The following FHIT variants were observed in gnomAD, a reference collection of about 807,000 sequenced individuals.
The protein encoded by FHIT is bis(5'-adenosyl)-triphosphatase.
FHIT carries 19 observed loss-of-function variants against 17.9 expected under a neutral mutation model. That is an observed-to-expected ratio of 1.06 (90% CI 0.74 to 1.56). FHIT has a LOEUF of 1.56. Among genes scored for constraint, FHIT ranks in the 40% most tolerant of loss-of-function variants. FHIT has a pLI of 0.00. For synonymous variants in FHIT, 81 were observed against 69.7 expected (o/e 1.16, Z -0.81); for missense variants, 248 against 189.2 (o/e 1.31, Z -1.82).
chr3:60,457,342 A>G (rs983154294), intron 5 of FHIT, among the ~76,000 whole-genome samples: 6 of 152,214 alleles, frequency 3.9e-5, no homozygotes, highest in Non-Finnish European at 8.8e-5. Flanking sequence ...AGGATTCCCT[A>G]TTTAATAAAT....
intron 3 of FHIT, among the ~76,000 whole-genome samples, chr3:61,037,270 G>A (rs2033303038): frequency 6.6e-6 from 1 of 152,112 alleles, no homozygotes; most frequent in Non-Finnish European, 1.5e-5. Context: ...GACTGGAGTG[G>A]TTATGCTTGG....
chr3:60,149,954 G>A (rs1271471893), intron 5 of FHIT, among the ~76,000 whole-genome samples: 1 of 148,470 alleles, frequency 6.7e-6, no homozygotes, highest in Non-Finnish European at 1.5e-5. Context: ...TGCCACCACT[G>A]GTTAGGCTGG....
intron 4 of FHIT, among the ~76,000 whole-genome samples, chr3:60,696,316 A>C (rs555614217): frequency 1.3e-5 from 2 of 152,320 alleles, no homozygotes; most frequent in East Asian, 3.9e-4. Flanking sequence ...ATTTCAGTAC[A>C]TTCAAATTTT....
At chr3:60,335,446 G>A (rs1710188716) in intron 5 of FHIT, among the ~76,000 whole-genome samples, 1 of 152,120 alleles carries the variant, frequency 6.6e-6, no homozygotes, top group Admixed American at 6.5e-5. Flanking sequence ...TCTCTGCTTG[G>A]CATTTGATAG....
At chr3:60,482,471 AAC>A (rs2033653841) in intron 5 of FHIT, among the ~76,000 whole-genome samples, 2 of 152,292 alleles carry the variant, frequency 1.3e-5, no homozygotes, top group East Asian at 3.9e-4. Context: ...CTGAAATCAT[AAC>A]AGTCTCTAGG....
At chr3:60,845,020 A>G (rs1426548237) in intron 3 of FHIT, among the ~76,000 whole-genome samples, 3 of 152,034 alleles carry the variant, frequency 2.0e-5, no homozygotes, top group Non-Finnish European at 2.9e-5. Flanking sequence ...TTTGGCTTCT[A>G]CTACTTCTAT....
intron 3 of FHIT, among the ~76,000 whole-genome samples, chr3:60,993,932 G>A (rs2030462845): frequency 6.6e-6 from 1 of 152,126 alleles, no homozygotes; most frequent in African/African-American, 2.4e-5. Flanking sequence ...TGAGCCACGT[G>A]CCTATTGAGC....
rs1296594830 is a variant in FHIT at position 60,821,935 on chromosome 3, A to G, written c.-34T>C. The G allele has an allele frequency of 1.3e-5, 2 of 152,168 alleles. No individual in the cohort carries two copies. Among genetic ancestry groups the G allele is most frequent in the African/African-American group, 4.8e-5 (2 of 41,440 alleles). 9.4% of individuals were successfully genotyped at this position (152,168 alleles called of 1,614,324 possible). A position where few individuals can be genotyped will look rare whatever the true frequency, so the allele number is the denominator to read the frequency against. Reference sequence around the variant, plus strand: ...TAAACCTACCTTTCAGAAGACTGCTACCTCTTCGGAGTCCTCAGTGGCAGG... The same window carrying G: ...TAAACCTACCTTTCAGAAGACTGCTGCCTCTTCGGAGTCCTCAGTGGCAGG... On this transcript the variant is annotated 5_prime_UTR_variant, in exon 4 of 10. Transcript: ENST00000492590.
At chr3:60,941,548 T>C (rs1006505202) in intron 3 of FHIT, among the ~76,000 whole-genome samples, 6 of 152,236 alleles carry the variant, frequency 3.9e-5, no homozygotes, top group Admixed American at 1.3e-4. Context: ...TTCTGAATGA[T>C]ATTGGTTTCT....
At chr3:60,161,168 T>C (rs1213248774) in intron 5 of FHIT, among the ~76,000 whole-genome samples, 1 of 152,228 alleles carries the variant, frequency 6.6e-6, no homozygotes, top group African/African-American at 2.4e-5. Flanking sequence ...TATTTTTATC[T>C]GCCCATCATG....
intron 5 of FHIT, among the ~76,000 whole-genome samples, chr3:60,040,724 G>C (rs1263531070): frequency 6.6e-6 from 1 of 152,124 alleles, no homozygotes; most frequent in East Asian, 1.9e-4. Flanking sequence ...GTTGGACCAT[G>C]TAAGAACTAG....
chr3:59,775,797 C>T (rs1702279990), intron 8 of FHIT, among the ~76,000 whole-genome samples: 1 of 152,124 alleles, frequency 6.6e-6, no homozygotes, highest in Non-Finnish European at 1.5e-5. Flanking sequence ...AAGGTCTGAA[C>T]TCTACACTCA....
intron 4 of FHIT, among the ~76,000 whole-genome samples, chr3:60,724,288 C>T (rs925779893): frequency 6.6e-6 from 1 of 152,224 alleles, no homozygotes; most frequent in Non-Finnish European, 1.5e-5. Context: ...AAGGTTCCTC[C>T]ATGATGTAAC....
intron 3 of FHIT, among the ~76,000 whole-genome samples, chr3:60,974,640 C>CA (rs1367862533): frequency 1.3e-5 from 2 of 152,056 alleles, no homozygotes; most frequent in Non-Finnish European, 2.9e-5. Context: ...ATAGCTATAC[C>CA]AAAAAAGTGT....
intron 3 of FHIT, among the ~76,000 whole-genome samples, chr3:60,909,703 A>G (rs1477137396): frequency 6.6e-6 from 1 of 152,242 alleles, no homozygotes; most frequent in East Asian, 1.9e-4. Context: ...TATGACAAAA[A>G]GCTGTACTGA....
chr3:60,945,516 C>T (rs1708599224), intron 3 of FHIT, among the ~76,000 whole-genome samples: 1 of 152,172 alleles, frequency 6.6e-6, no homozygotes, highest in African/African-American at 2.4e-5. Flanking sequence ...CCTCAGCCAC[C>T]TGAGTAGCTG....
At chr3:61,021,338 G>A (rs368983925) in intron 3 of FHIT, among the ~76,000 whole-genome samples, 15 of 151,952 alleles carry the variant, frequency 9.9e-5, no homozygotes, top group Non-Finnish European at 4.4e-5. Context: ...GGTGGCTCAC[G>A]CCTGTAATCC....
At chr3:60,470,058 T>TTCTCTCTCTCTCTCTC (rs796525437) in intron 5 of FHIT, among the ~76,000 whole-genome samples, 13,908 of 142,756 alleles carry the variant, frequency 0.097, 919 homozygotes, top group East Asian at 0.24. Context: ...CTCTCTTTCT[T>TTCTCTCTCTCTCTCTC]TCTCTCTCTC....
intron 4 of FHIT, among the ~76,000 whole-genome samples, chr3:60,645,065 C>T (rs1262406140): frequency 1.3e-5 from 2 of 151,984 alleles, no homozygotes; most frequent in Non-Finnish European, 2.9e-5. Context: ...GGTGGGTGGC[C>T]AGGGATCCCC....
Sources: gnomAD v4.1 joint callset for allele counts (sites outside exome capture counted in the v4.1 genomes callset) on GRCh38, gnomAD v4.1.1 for gene constraint, MANE v1.5 for transcripts, NCBI Gene and HGNC (gene_info 2026-07-23, HGNC 2026-07-21) for gene names.